Variants in SNRPF observed in about 807,000 individuals in gnomAD.
The protein encoded by SNRPF is small nuclear ribonucleoprotein F.
SNRPF carries 1 observed loss-of-function variant against 13.4 expected under a neutral mutation model. The ratio of observed to expected loss-of-function variants is 0.07; its 90% CI spans 0.03 to 0.35. The LOEUF (loss-of-function observed/expected upper bound fraction) is 0.35. Among genes scored for constraint, SNRPF ranks in the 10% least tolerant of loss-of-function variants. The pLI, the probability that SNRPF is intolerant of heterozygous loss-of-function variation, is 0.99. For missense variants in SNRPF, 53 were observed against 101.0 expected (o/e 0.52, Z 2.04); for synonymous variants, 27 against 32.1 (o/e 0.84, Z 0.54).
In SNRPF at chr12:95,865,324, C is replaced by T. The variant is rs768869497; in HGVS notation, c.130C>T (p.Leu44Phe). 9 of 1,500,326 alleles carry T rather than the reference C, an allele frequency of 6.0e-6. No homozygotes were observed. Among genetic ancestry groups the T allele is most frequent in the African/African-American group, 1.4e-5 (1 of 72,722 alleles). The allele number at this position is 1,500,326 out of a possible 1,614,324, so 92.9% of individuals were successfully genotyped here. A position where few individuals can be genotyped will look rare whatever the true frequency, so the allele number is the denominator to read the frequency against. ...VSVDGYMNMQ[L>F]ANTEEYIDGA... ...CTAATATATTTCTTTTTATTGAAAG[C>T]TTGCAAATACAGAAGAATACATAGA... The change falls in exon 3 of 4, where the codon CTT becomes TTT. Residue 44 changes from leucine to phenylalanine, a missense_variant and splice_region_variant. Transcript: ENST00000266735.
intron 2 of SNRPF, among the ~76,000 whole-genome samples, chr12:95,864,756 C>T (rs1041837971): frequency 3.3e-5 from 5 of 152,154 alleles, no homozygotes; most frequent in South Asian, 4.1e-4. Context: ...AAAATTGTTT[C>T]GAAGTAGCCA....
chr12:95,859,176 C>A, intron 1 of SNRPF, 100 bp downstream of exon 1: 1 of 1,057,914 alleles, frequency 9.5e-7, no homozygotes, highest in South Asian at 1.3e-5. Context: ...CCCATTCATC[C>A]GCGTGAGGCG....
chr12:95,865,989 CTT>C lies in SNRPF; in HGVS notation c.195-12_195-11del. 2 of 1,340,382 alleles carry C rather than the reference CTT, an allele frequency of 1.5e-6. No homozygotes were observed. The highest frequency in any genetic ancestry group is 3.8e-5 in the Admixed American group (2 of 52,918). The allele number at this position is 1,340,382 out of a possible 1,614,324, so 83.0% of individuals were successfully genotyped here. ...TTTCTGGTTGGAACAACAAAATCGA[CTT>C]TTTCTATTTACAGGTGTAATAATGT... On this transcript the variant is annotated splice_polypyrimidine_tract_variant and intron_variant, in intron 3 of 3. Coordinates refer to ENST00000266735, the MANE Select transcript of SNRPF (RefSeq NM_003095.5).
In SNRPF at chr12:95,858,970, T is replaced by C. The variant is rs2079478396; in HGVS notation, c.-104T>C. Reference sequence around the variant, plus strand: ...CATAGTCCTGTTTGGCGGCCATTTCTCTTGAAACTGCGGCTCGGGACCTGC... The same window carrying C: ...CATAGTCCTGTTTGGCGGCCATTTCCCTTGAAACTGCGGCTCGGGACCTGC... On this transcript the variant is annotated 5_prime_UTR_variant, in exon 1 of 4. Coordinates refer to ENST00000266735, the MANE Select transcript of SNRPF (RefSeq NM_003095.5). The C allele has an allele frequency of 6.4e-7, 1 of 1,565,788 alleles. No homozygotes were observed. The highest frequency in any genetic ancestry group is 8.7e-7 in the Non-Finnish European group (1 of 1,151,740).
intron 2 of SNRPF, 117 bp from the exon 3 acceptor site, chr12:95,865,207 A>G (rs575966162): frequency 4.4e-6 from 2 of 459,702 alleles, no homozygotes; most frequent in East Asian, 6.4e-5. Context: ...AATTATAGAT[A>G]AATTTGAGTT....
At position 95,866,133 on chromosome 12, in the gene SNRPF, C is replaced by A; in HGVS notation, c.*62C>A. On this transcript the variant is annotated 3_prime_UTR_variant, in exon 4 of 4. Transcript: ENST00000266735. ...AGACAATAAAGATTTGTTTGTTTTT[C>A]AACTTGACTTGTGAACTATTTGTAT... is the stretch of plus-strand genomic sequence containing the variant. The A allele has an allele frequency of 1.2e-6, 1 of 833,036 alleles. No homozygotes were observed. The highest frequency in any genetic ancestry group is 1.7e-5 in the South Asian group (1 of 59,082). The allele number at this position is 833,036 out of a possible 1,614,324, so 51.6% of individuals were successfully genotyped here.
intron 3 of SNRPF, 51 bp from the exon 4 acceptor site, chr12:95,865,954 T>C (rs1555225761): frequency 2.6e-6 from 2 of 758,036 alleles, no homozygotes; most frequent in Admixed American, 4.2e-5. Context: ...GTAATTCATA[T>C]CATACATGGT....
Position 95,859,045 on chromosome 12 carries a change from G to A in SNRPF, c.-29G>A, listed in dbSNP as rs1334416459. The A allele has an allele frequency of 6.2e-7, 1 of 1,612,452 alleles. No individual in the cohort carries two copies. The highest frequency in any genetic ancestry group is 8.5e-7 in the Non-Finnish European group (1 of 1,179,602). On this transcript the variant is annotated 5_prime_UTR_variant, in exon 1 of 4. Coordinates refer to ENST00000266735, the MANE Select transcript of SNRPF (RefSeq NM_003095.5). Reference sequence around the variant, plus strand: ...CGGGCGGCGGCCTGGTCGGCAGAGAGTAGCCTGCAACATTCGGCCGTGGTT... The same window carrying A: ...CGGGCGGCGGCCTGGTCGGCAGAGAATAGCCTGCAACATTCGGCCGTGGTT...
At chr12:95,865,450 A>G in intron 3 of SNRPF, 62 bp downstream of exon 3, 1 of 706,386 alleles carries the variant, frequency 1.4e-6, no homozygotes, top group Non-Finnish European at 2.5e-6. Context: ...ACCTGTTCTA[A>G]ATATATTAGT....
intron 2 of SNRPF, among the ~76,000 whole-genome samples, chr12:95,863,684 A>G (rs1459515067): frequency 6.6e-6 from 1 of 152,266 alleles, no homozygotes; most frequent in Non-Finnish European, 1.5e-5. Flanking sequence ...GATGCCATCC[A>G]TGAAGAAAAG....
chr12:95,858,997 G>C lies in SNRPF; in HGVS notation c.-77G>C. Reference sequence around the variant, plus strand: ...TTGAAACTGCGGCTCGGGACCTGCGGTACCTGCTGTAGTCACGAGGGACGG... The same window carrying C: ...TTGAAACTGCGGCTCGGGACCTGCGCTACCTGCTGTAGTCACGAGGGACGG... On this transcript the variant is annotated 5_prime_UTR_variant, in exon 1 of 4. Transcript: ENST00000266735. The C allele has an allele frequency of 1.3e-6, 2 of 1,597,418 alleles. No individual in the cohort carries two copies. The highest frequency in any genetic ancestry group is 8.5e-7 in the Non-Finnish European group (1 of 1,173,704).
chr12:95,859,887 T>C (rs2079486636), intron 1 of SNRPF, among the ~76,000 whole-genome samples: 1 of 152,128 alleles, frequency 6.6e-6, no homozygotes, highest in African/African-American at 2.4e-5. Flanking sequence ...AATATGACAA[T>C]CTGATGTGCA....
At chr12:95,861,474 T>A in intron 2 of SNRPF, 181 bp downstream of exon 2, 1 of 411,626 alleles carries the variant, frequency 2.4e-6, no homozygotes, top group Non-Finnish European at 4.3e-6. Context: ...GACATGGACT[T>A]AAACCAGAAT....
At chr12:95,859,542 G>T (rs1195417106) in intron 1 of SNRPF, among the ~76,000 whole-genome samples, 1 of 152,218 alleles carries the variant, frequency 6.6e-6, no homozygotes, top group African/African-American at 2.4e-5. Context: ...GAGGGTGCGC[G>T]TTAGACATTA....
intron 2 of SNRPF, among the ~76,000 whole-genome samples, chr12:95,862,935 C>T (rs891509449): frequency 2.6e-5 from 4 of 151,596 alleles, no homozygotes; most frequent in African/African-American, 9.7e-5. Context: ...TGTTTATTGG[C>T]CATTTGTTTA....
At chr12:95,861,461 C>T (rs560087175) in intron 2 of SNRPF, 168 bp downstream of exon 2, 24 of 480,186 alleles carry the variant, frequency 5.0e-5, no homozygotes, top group African/African-American at 4.3e-4. Context: ...ATACTAGGTA[C>T]AAGACATGGA....
At chr12:95,862,787 TC>T (rs2079502324) in intron 2 of SNRPF, among the ~76,000 whole-genome samples, 1 of 152,138 alleles carries the variant, frequency 6.6e-6, no homozygotes, top group African/African-American at 2.4e-5. Flanking sequence ...GCACAACGGT[TC>T]CAGTTTCTCC....
chr12:95,860,852 C>CTTTTTTTTTTT (rs10689270), intron 1 of SNRPF, among the ~76,000 whole-genome samples: 1 of 96,564 alleles, frequency 1.0e-5, no homozygotes, highest in African/African-American at 4.2e-5. Context: ...ACCTGGCCCG[C>CTTTTTTTTTTT]TTTTTTTTTT....
chr12:95,860,018 G>A (rs943278743), intron 1 of SNRPF, among the ~76,000 whole-genome samples: 3 of 152,156 alleles, frequency 2.0e-5, no homozygotes, highest in African/African-American at 7.2e-5. Context: ...TGTTAGAGGG[G>A]GTTAGTAGCC....
Sources: gnomAD v4.1 joint callset for allele counts (sites outside exome capture counted in the v4.1 genomes callset) on GRCh38, gnomAD v4.1.1 for gene constraint, MANE v1.5 for transcripts, NCBI Gene and HGNC (gene_info 2026-07-23, HGNC 2026-07-21) for gene names.